Variants in MTUS2 observed in about 807,000 individuals in gnomAD.
MTUS2 encodes microtubule-associated tumor suppressor candidate 2.
MTUS2 carries 40 observed loss-of-function variants against 114.1 expected under a neutral mutation model. The ratio of observed to expected loss-of-function variants is 0.35; its 90% CI spans 0.27 to 0.46. The LOEUF (loss-of-function observed/expected upper bound fraction) is 0.46, where lower values mean the gene tolerates loss of function less well. Among genes scored for constraint, MTUS2 ranks in the 20% least tolerant of loss-of-function variants. The pLI is 1.00. For synonymous variants in MTUS2, 688 were observed against 672.0 expected (o/e 1.02, Z -0.37); for missense variants, 1,679 against 1,705.4 (o/e 0.98, Z 0.27).
chr13:29,034,140 A>G lies in MTUS2; in HGVS notation c.2446+15A>G. The G allele has an allele frequency of 1.2e-6, 2 of 1,613,350 alleles. No individual in the cohort carries two copies. The highest frequency in any genetic ancestry group is 8.5e-7 in the Non-Finnish European group (1 of 1,179,346). On this transcript the variant is annotated intron_variant, in intron 4 of 15. Transcript: ENST00000612955. ...CGATCCTTCAGGTAACCGATCCAAC[A>G]GTTTCTGCCTTTTCCTGCTGTACGT...
Position 29,281,861 on chromosome 13 carries a change from C to T in MTUS2, c.2802C>T (p.Pro934=), listed in dbSNP as rs2989382. The change falls in exon 6 of 16, where the codon CCC becomes CCT. Residue 934 remains proline (P), a synonymous_variant. Transcript: ENST00000612955. The part of the protein sequence containing the change: ...LLPAPKSTST[P]AGTKKDAQKD... ...CAGCGCCAAAATCCACTTCCACACCCGCTGGTAAGACTTTGTGCCTTGGAG... is the reference window on the plus strand; with the variant it reads ...CAGCGCCAAAATCCACTTCCACACCTGCTGGTAAGACTTTGTGCCTTGGAG... 571 of 1,593,470 alleles carry T rather than the reference C, an allele frequency of 3.6e-4. 3 individuals are homozygous for T. The African/African-American group carries it at 6.6e-3, about 18-fold the overall frequency.
chr13:29,137,065 G>T (rs1892008592), intron 5 of MTUS2, among the ~76,000 whole-genome samples: 1 of 152,220 alleles, frequency 6.6e-6, no homozygotes, highest in African/African-American at 2.4e-5. Flanking sequence ...TCTGTGTTGT[G>T]TAGACTGTGA....
intron 2 of MTUS2, among the ~76,000 whole-genome samples, chr13:28,846,528 T>TAA (rs10622502): frequency 6.6e-6 from 1 of 151,608 alleles, no homozygotes; most frequent in East Asian, 1.9e-4. Flanking sequence ...TAGGAGAAAT[T>TAA]ATCAGGGCAG....
intron 5 of MTUS2, among the ~76,000 whole-genome samples, chr13:29,145,686 A>C (rs1412095800): frequency 6.6e-6 from 1 of 151,274 alleles, no homozygotes; most frequent in Non-Finnish European, 1.5e-5. Context: ...CTGCCACCCC[A>C]AAATCTTCTA....
chr13:29,087,540 A>G (rs1889746117), intron 4 of MTUS2, among the ~76,000 whole-genome samples: 1 of 152,158 alleles, frequency 6.6e-6, no homozygotes, highest in South Asian at 2.1e-4. Flanking sequence ...TATGTTCATC[A>G]GGGATATTGG....
At chr13:29,455,624 A>C (rs1489748932) in intron 9 of MTUS2, among the ~76,000 whole-genome samples, 1 of 152,242 alleles carries the variant, frequency 6.6e-6, no homozygotes, top group Non-Finnish European at 1.5e-5. Flanking sequence ...TTGAGCATGC[A>C]TAAACAAAAA....
intron 8 of MTUS2, among the ~76,000 whole-genome samples, chr13:29,421,411 G>C (rs1261038828): frequency 1.3e-5 from 2 of 152,124 alleles, no homozygotes; most frequent in African/African-American, 4.8e-5. Flanking sequence ...ATTTTTCATG[G>C]TTTTCTCTTG....
chr13:29,356,387 A>G (rs1042879165), intron 7 of MTUS2, among the ~76,000 whole-genome samples: 1 of 152,220 alleles, frequency 6.6e-6, no homozygotes, highest in African/African-American at 2.4e-5. Flanking sequence ...TGTGCATTCT[A>G]GCTTCACTGT....
intron 2 of MTUS2, among the ~76,000 whole-genome samples, chr13:28,915,718 T>G (rs1880708713): frequency 6.6e-6 from 1 of 151,922 alleles, no homozygotes; most frequent in African/African-American, 2.4e-5. Flanking sequence ...AGATGGGTGG[T>G]TTACACATAT....
intron 5 of MTUS2, among the ~76,000 whole-genome samples, chr13:29,171,985 G>T (rs1199599267): frequency 6.6e-6 from 1 of 152,202 alleles, no homozygotes; most frequent in Non-Finnish European, 1.5e-5. Context: ...GCTGGGAAAG[G>T]TCCTGTTTCT....
At chr13:29,212,651 T>C (rs1394907237) in intron 5 of MTUS2, among the ~76,000 whole-genome samples, 2 of 152,228 alleles carry the variant, frequency 1.3e-5, no homozygotes, top group African/African-American at 4.8e-5. Context: ...CTTACTTACA[T>C]TTACCAGTTT....
At chr13:29,389,171 C>CTA (rs1161988959) in intron 8 of MTUS2, among the ~76,000 whole-genome samples, 11 of 144,810 alleles carry the variant, frequency 7.6e-5, no homozygotes, top group South Asian at 2.2e-4. Context: ...ATTGTTTTGA[C>CTA]TATATATATA....
rs537459683 is a variant in MTUS2 at position 29,198,275 on chromosome 13, G to A, written c.2645-83429G>A. 9.2e-5 allele frequency among the ~76,000 whole-genome samples: 14 copies of A among 152,324 alleles called. No individual in the cohort carries two copies. The South Asian group carries it at 2.9e-3, about 32-fold the overall frequency. The stretch of plus-strand genomic sequence containing the variant: ...GGTGTAAGGAAGGGGTCTGGTTTCA[G>A]TTTTCTGCATATGGCTACCCAGTTT... On this transcript the variant is annotated intron_variant, in intron 5 of 15. Transcript: ENST00000612955.
In MTUS2 at chr13:29,066,494, C is replaced by T. The variant is rs550268515; in HGVS notation, c.2446+32369C>T. Among the ~76,000 whole-genome samples the T allele has an allele frequency of 1.5e-4, 23 of 152,322 alleles. 1 individual carries two copies. The South Asian group carries it at 4.8e-3, about 32-fold the overall frequency. ...TTTTGTTGTCTCTGTTGCAACTACT[C>T]ACCTCCGATGTTATAGTGCAAAGGC... On this transcript the variant is annotated intron_variant, in intron 4 of 15. Coordinates refer to ENST00000612955, the MANE Select transcript of MTUS2 (RefSeq NM_001033602.4).
chr13:29,320,462 G>T (rs761950149), intron 6 of MTUS2, among the ~76,000 whole-genome samples: 25 of 152,198 alleles, frequency 1.6e-4, no homozygotes, highest in Admixed American at 1.0e-3. Flanking sequence ...AAAACAGAAT[G>T]AGCTGAAATT....
chr13:28,956,065 T>G (rs1883048316), intron 2 of MTUS2, among the ~76,000 whole-genome samples: 7 of 105,590 alleles, frequency 6.6e-5, no homozygotes, highest in East Asian at 3.0e-4. Context: ...CCCCCCCCCA[T>G]CCTTTCCCCC....
At chr13:28,997,647 G>A (rs1019348458) in intron 2 of MTUS2, among the ~76,000 whole-genome samples, 2 of 151,986 alleles carry the variant, frequency 1.3e-5, no homozygotes, top group African/African-American at 4.8e-5. Context: ...TTATGTAATG[G>A]CCTTCTTTGT....
chr13:29,209,147 C>T (rs957789735), intron 5 of MTUS2, among the ~76,000 whole-genome samples: 4 of 151,996 alleles, frequency 2.6e-5, no homozygotes, highest in African/African-American at 9.7e-5. Context: ...GATATTTTCC[C>T]TTTGGACTAG....
At chr13:29,001,805 G>C (rs1411682986) in intron 2 of MTUS2, among the ~76,000 whole-genome samples, 5 of 152,138 alleles carry the variant, frequency 3.3e-5, no homozygotes, top group Non-Finnish European at 5.9e-5. Context: ...AAATCTCTAG[G>C]GTCCTTGTAA....
Sources: gnomAD v4.1 joint callset for allele counts (sites outside exome capture counted in the v4.1 genomes callset) on GRCh38, gnomAD v4.1.1 for gene constraint, MANE v1.5 for transcripts, NCBI Gene and HGNC (gene_info 2026-07-23, HGNC 2026-07-21) for gene names.